Variants in SBNO1 observed in about 807,000 individuals in gnomAD.
SBNO1 encodes strawberry notch homolog 1, also known as protein strawberry notch homolog 1.
In SBNO1, 23 loss-of-function variants were observed where a neutral mutation model predicts 173.6. The observed-to-expected ratio is 0.13, with a 90% CI of 0.10 to 0.19. The LOEUF is 0.19. Ranked by LOEUF, SBNO1 falls within the 10% of genes least tolerant of loss-of-function variation. The pLI is 1.00. For missense variants in SBNO1, 1,238 were observed against 1,671.2 expected (o/e 0.74, Z 4.52); for synonymous variants, 632 against 571.5 (o/e 1.11, Z -1.51).
chr12:123,333,739 C>T (rs1871511558), intron 7 of SBNO1, among the ~76,000 whole-genome samples: 1 of 152,096 alleles, frequency 6.6e-6, no homozygotes, highest in African/African-American at 2.4e-5. Context: ...CTCAAGCAAT[C>T]CACCCACCTC....
chr12:123,355,241 G>C (rs1000387224), intron 1 of SBNO1, among the ~76,000 whole-genome samples: 1 of 151,986 alleles, frequency 6.6e-6, no homozygotes, highest in African/African-American at 2.4e-5. Flanking sequence ...GGATGGTCTC[G>C]ATCTACTGAC....
intron 1 of SBNO1, among the ~76,000 whole-genome samples, chr12:123,359,100 T>A (rs1874816367): frequency 1.3e-5 from 2 of 151,660 alleles, no homozygotes; most frequent in South Asian, 4.2e-4. Flanking sequence ...ACTCAGCTAA[T>A]TTTTTTGTAT....
In SBNO1 at chr12:123,364,778, A is replaced by AGGCGGCGGTGGC. The variant is rs904870978; in HGVS notation, c.-90_-79dup. 14 of 987,928 alleles carry AGGCGGCGGTGGC rather than the reference A, an allele frequency of 1.4e-5. 1 individual carries two copies. Among genetic ancestry groups the AGGCGGCGGTGGC allele is most frequent in the African/African-American group, 1.2e-4 (7 of 57,124 alleles). The allele number at this position is 987,928 out of a possible 1,614,324, so 61.2% of individuals were successfully genotyped here. A position where few individuals can be genotyped will look rare whatever the true frequency, so the allele number is the denominator to read the frequency against. ...GAAGGACCAGAGGCGACTGGAGCGG[A>AGGCGGCGGTGGC]GGCGGCGGTGGCGGCGGCAGCAGCG... is the stretch of plus-strand genomic sequence containing the variant. On this transcript the variant is annotated 5_prime_UTR_variant, in exon 1 of 32. Coordinates refer to ENST00000602398, the MANE Select transcript of SBNO1 (RefSeq NM_001167856.3).
intron 4 of SBNO1, among the ~76,000 whole-genome samples, chr12:123,342,659 CTT>C (rs1168005507): frequency 6.6e-6 from 1 of 152,164 alleles, no homozygotes; most frequent in African/African-American, 2.4e-5. Flanking sequence ...TTTTCAAACT[CTT>C]TTAAATATAG....
intron 3 of SBNO1, 134 bp downstream of exon 3, chr12:123,347,895 C>T (rs935090653): frequency 1.1e-5 from 5 of 462,632 alleles, no homozygotes; most frequent in African/African-American, 6.0e-5. Context: ...TTGAATTCCT[C>T]GGCTCAAGCA....
intron 1 of SBNO1, among the ~76,000 whole-genome samples, chr12:123,354,174 G>A (rs1325572433): frequency 6.6e-6 from 1 of 152,102 alleles, no homozygotes; most frequent in Admixed American, 6.5e-5. Context: ...CATTATCGGT[G>A]ACCAGCTTAG....
chr12:123,346,344 C>T (rs2139058343), intron 3 of SBNO1, among the ~76,000 whole-genome samples: 1 of 152,332 alleles, frequency 6.6e-6, no homozygotes, highest in East Asian at 1.9e-4. Context: ...TTCTCCACTA[C>T]TCCTTTAATA....
intron 26 of SBNO1, 40 bp from the exon 27 acceptor site, chr12:123,309,623 A>AT (rs1315925534): frequency 6.2e-7 from 1 of 1,601,480 alleles, no homozygotes; most frequent in Non-Finnish European, 8.6e-7. Flanking sequence ...TAAAAAGAAC[A>AT]TTTTTATCAG....
At chr12:123,303,275 T>C (rs903080568) in intron 29 of SBNO1, among the ~76,000 whole-genome samples, 1 of 152,138 alleles carries the variant, frequency 6.6e-6, no homozygotes, top group Admixed American at 6.6e-5. Flanking sequence ...TAAGAGGTAG[T>C]GAGAAGGGCT....
intron 21 of SBNO1, among the ~76,000 whole-genome samples, chr12:123,316,657 C>G (rs1869308910): frequency 6.6e-6 from 1 of 150,884 alleles, no homozygotes; most frequent in South Asian, 2.1e-4. Context: ...GTAGCTGGGA[C>G]TACAGGCACA....
At chr12:123,339,233 A>G (rs1872248574) in intron 5 of SBNO1, among the ~76,000 whole-genome samples, 1 of 151,746 alleles carries the variant, frequency 6.6e-6, no homozygotes, top group African/African-American at 2.4e-5. Context: ...CAAGTCCCAA[A>G]ATTCTTTTGG....
intron 24 of SBNO1, among the ~76,000 whole-genome samples, chr12:123,311,720 C>CTATATATA (rs56718635): frequency 3.9e-4 from 50 of 127,442 alleles, no homozygotes; most frequent in Middle Eastern, 3.9e-3. Context: ...ATCTATCTAT[C>CTATATATA]TATATATATA....
At chr12:123,356,725 T>G (rs907120023) in intron 1 of SBNO1, among the ~76,000 whole-genome samples, 1 of 152,224 alleles carries the variant, frequency 6.6e-6, no homozygotes, top group Non-Finnish European at 1.5e-5. Flanking sequence ...ATTACAGGCG[T>G]GAGCCACCGT....
intron 4 of SBNO1, among the ~76,000 whole-genome samples, chr12:123,342,108 G>T (rs935527112): frequency 6.6e-6 from 1 of 151,836 alleles, no homozygotes; most frequent in East Asian, 1.9e-4. Context: ...AAAATTAGCC[G>T]GGCATGGTGG....
intron 7 of SBNO1, among the ~76,000 whole-genome samples, chr12:123,333,679 G>A (rs1052189333): frequency 4.6e-5 from 7 of 151,642 alleles, no homozygotes; most frequent in African/African-American, 1.7e-4. Flanking sequence ...TGTATTTTTC[G>A]TAGACATGAT....
At chr12:123,350,812 G>A (rs189329098) in intron 1 of SBNO1, among the ~76,000 whole-genome samples, 3 of 152,252 alleles carry the variant, frequency 2.0e-5, no homozygotes, top group African/African-American at 7.2e-5. Flanking sequence ...AAACATAGAG[G>A]TATGAAAGAA....
chr12:123,320,915 C>T, intron 17 of SBNO1, 49 bp from the exon 18 acceptor site: 4 of 1,363,874 alleles, frequency 2.9e-6, no homozygotes, highest in Non-Finnish European at 3.0e-6. Flanking sequence ...AAAACAAGTA[C>T]AGAATCTTCA....
chr12:123,337,360 C>G (rs1406708691), intron 5 of SBNO1, among the ~76,000 whole-genome samples: 2 of 152,140 alleles, frequency 1.3e-5, no homozygotes, highest in Non-Finnish European at 2.9e-5. Flanking sequence ...TTAGCATGCA[C>G]TTGTTCAGGG....
chr12:123,335,134 T>A (rs999966141), intron 6 of SBNO1, among the ~76,000 whole-genome samples: 13 of 152,154 alleles, frequency 8.5e-5, no homozygotes, highest in Non-Finnish European at 2.9e-5. Flanking sequence ...AAGGCTGCAG[T>A]GAGCTAAGAT....
Sources: allele counts gnomAD v4.1 joint callset (sites outside exome capture counted in the v4.1 genomes callset), GRCh38; gene constraint gnomAD v4.1.1; transcripts MANE v1.5; gene names NCBI Gene and HGNC (gene_info 2026-07-23, HGNC 2026-07-21).